The following FTCDNL1 variants were observed in gnomAD, a reference collection of about 807,000 sequenced individuals.
FTCDNL1 encodes the protein formiminotransferase N-terminal subdomain-containing protein.
Under a neutral mutation model 5.9 loss-of-function variants are expected in FTCDNL1, and 11 were observed. That is an observed-to-expected ratio of 1.87 (90% CI 1.18 to 3.10). FTCDNL1 has a LOEUF of 3.10. Ranked by LOEUF, FTCDNL1 falls within the 30% of genes most tolerant of loss-of-function variation. The probability of loss-of-function intolerance (pLI) is 0.00; values close to 1 mark genes in which losing one functional copy is unlikely to be tolerated. For missense variants in FTCDNL1, 115 were observed against 65.5 expected (o/e 1.76, Z -2.61); for synonymous variants, 58 against 24.8 (o/e 2.34, Z -3.99).
At chr2:199,837,031 GGGTTCATCCATAACT>G (rs1702794476) in intron 3 of FTCDNL1, among the ~76,000 whole-genome samples, 2 of 152,294 alleles carry the variant, frequency 1.3e-5, no homozygotes, top group South Asian at 4.1e-4. Context: ...AAGTATGGCT[GGGTTCATCCATAACT>G]GCTGGTCATG....
At chr2:199,716,217 G>C in the FTCDNL1 span, among the ~76,000 whole-genome samples, 1 of 152,106 alleles carries the variant, frequency 6.6e-6, no homozygotes, top group Non-Finnish European at 1.5e-5. Flanking sequence ...CTAAGTATAA[G>C]GAAGTGAAAA....
At position 199,810,563 on chromosome 2, in the gene FTCDNL1, T is replaced by C. The variant is rs1292693786; in HGVS notation, c.*2142A>G. Reference sequence around the variant, plus strand: ...CATTGACACTCTAGAGCCCTGTTACTCTAGAGCTCAGGGGCAAATGTCCCG... The same window carrying C: ...CATTGACACTCTAGAGCCCTGTTACCCTAGAGCTCAGGGGCAAATGTCCCG... On this transcript the variant is annotated 3_prime_UTR_variant, in exon 5 of 5. Transcript: ENST00000420128. Among the ~76,000 whole-genome samples, 1 of 152,202 alleles carries C rather than the reference T, an allele frequency of 6.6e-6. No individual in the cohort carries two copies. Among genetic ancestry groups the C allele is most frequent in the Admixed American group, 6.5e-5 (1 of 15,280 alleles).
At chr2:199,789,249 A>T (rs1489962478) in intron 3 of FTCDNL1, among the ~76,000 whole-genome samples, 2 of 152,106 alleles carry the variant, frequency 1.3e-5, no homozygotes, top group African/African-American at 4.8e-5. Context: ...TAAGCAAAAC[A>T]TCAGCAAAAT....
At chr2:199,690,390 T>A in the FTCDNL1 span, among the ~76,000 whole-genome samples, 1 of 152,200 alleles carries the variant, frequency 6.6e-6, no homozygotes, top group African/African-American at 2.4e-5. Context: ...AGCCCCTGCA[T>A]CCTCAAGGCC....
Position 199,764,649 on chromosome 2 carries a change from T to C in FTCDNL1, c.212-3814A>G, listed in dbSNP as rs564007808. ...CTCTTCTGTGAAATGCCTGGAGAGG[T>C]AGTAAAAGCTGCCTCTTCCCTGAGT... is the stretch of plus-strand genomic sequence containing the variant. On this transcript the variant is annotated intron_variant, in intron 3 of 3. Coordinates refer to the FTCDNL1 transcript ENST00000416668. Among the ~76,000 whole-genome samples, 7 of 152,252 alleles carry C rather than the reference T, an allele frequency of 4.6e-5. No individual in the cohort carries two copies. In the South Asian group the frequency reaches 1.5e-3, roughly 32 times the overall value.
chr2:199,716,053 A>C, the FTCDNL1 span, among the ~76,000 whole-genome samples: 1 of 70,730 alleles, frequency 1.4e-5, no homozygotes, highest in Non-Finnish European at 3.6e-5. Flanking sequence ...AAAAAAAAAA[A>C]AAAAAAAAAA....
At chr2:199,786,363 G>C (rs1268541360) in intron 3 of FTCDNL1, among the ~76,000 whole-genome samples, 1 of 151,856 alleles carries the variant, frequency 6.6e-6, no homozygotes, top group African/African-American at 2.4e-5. Flanking sequence ...ACCTTAAAAG[G>C]GGGTGTCACT....
intron 3 of FTCDNL1, among the ~76,000 whole-genome samples, chr2:199,801,030 G>A (rs1350973732): frequency 6.6e-6 from 1 of 152,108 alleles, no homozygotes; most frequent in Non-Finnish European, 1.5e-5. Context: ...TTAGCTTCTG[G>A]CTCCATAGCT....
chr2:199,738,062 C>T, the FTCDNL1 span, among the ~76,000 whole-genome samples: 3,590 of 152,234 alleles, frequency 0.024, 144 homozygotes, highest in African/African-American at 0.081. Context: ...TGATAAGAAA[C>T]GGGATTCTCA....
intron 4 of FTCDNL1, among the ~76,000 whole-genome samples, chr2:199,816,630 T>G (rs1237902544): frequency 6.6e-6 from 1 of 152,242 alleles, no homozygotes; most frequent in Non-Finnish European, 1.5e-5. Flanking sequence ...CTGGTATCCC[T>G]TGCACTGGCT....
chr2:199,702,303 A>G, the FTCDNL1 span, among the ~76,000 whole-genome samples: 1 of 152,284 alleles, frequency 6.6e-6, no homozygotes, highest in East Asian at 1.9e-4. Context: ...GAAAGAAAAC[A>G]ATAATAATAT....
intron 4 of FTCDNL1, chr2:199,818,644 G>A (rs188471265): frequency 2.6e-5 from 4 of 151,894 alleles, no homozygotes; most frequent in Admixed American, 2.6e-4. Flanking sequence ...GACAATATTT[G>A]TTTAAGATCA....
chr2:199,702,806 G>A, the FTCDNL1 span, among the ~76,000 whole-genome samples: 1 of 152,152 alleles, frequency 6.6e-6, no homozygotes, highest in Non-Finnish European at 1.5e-5. Context: ...TTTCTGAGGT[G>A]GTGACATTTA....
chr2:199,730,198 A>G, the FTCDNL1 span, among the ~76,000 whole-genome samples: 4 of 152,202 alleles, frequency 2.6e-5, no homozygotes, highest in African/African-American at 7.2e-5. Context: ...ACAAAAATTA[A>G]CTTAAGATGC....
At chr2:199,702,041 TA>T in the FTCDNL1 span, among the ~76,000 whole-genome samples, 1 of 151,788 alleles carries the variant, frequency 6.6e-6, no homozygotes, top group Non-Finnish European at 1.5e-5. Context: ...TCAAAAAAAT[TA>T]AAATAAAATC....
At chr2:199,685,639 T>G in the FTCDNL1 span, among the ~76,000 whole-genome samples, 1 of 152,186 alleles carries the variant, frequency 6.6e-6, no homozygotes, top group South Asian at 2.1e-4. Context: ...CCAGACAAGT[T>G]GCAATCAATT....
At chr2:199,671,187 C>T in the FTCDNL1 span, among the ~76,000 whole-genome samples, 2 of 151,612 alleles carry the variant, frequency 1.3e-5, no homozygotes, top group African/African-American at 4.9e-5. Context: ...AAAAAGGTAG[C>T]CTTCTAGGAG....
chr2:199,734,531 A>G, the FTCDNL1 span, among the ~76,000 whole-genome samples: 2 of 152,234 alleles, frequency 1.3e-5, no homozygotes, highest in African/African-American at 2.4e-5. Context: ...TTTAGAGTCA[A>G]TAAGTTATCT....
At chr2:199,706,964 G>T in the FTCDNL1 span, among the ~76,000 whole-genome samples, 1 of 152,212 alleles carries the variant, frequency 6.6e-6, no homozygotes, top group Non-Finnish European at 1.5e-5. Flanking sequence ...TAGGGATCTG[G>T]GCTATCTGCT....
Sources: gnomAD v4.1 joint callset for allele counts (sites outside exome capture counted in the v4.1 genomes callset) on GRCh38, gnomAD v4.1.1 for gene constraint, MANE v1.5 for transcripts, NCBI Gene and HGNC (gene_info 2026-07-23, HGNC 2026-07-21) for gene names.